FRMD6: variants seen among roughly 807,000 people sequenced by gnomAD.
FRMD6 encodes the protein FERM domain containing 6.
In FRMD6, 37 loss-of-function variants were observed where a neutral mutation model predicts 73.2. That is an observed-to-expected ratio of 0.51 (90% CI 0.39 to 0.66). The LOEUF (loss-of-function observed/expected upper bound fraction) is 0.66, where lower values mean the gene tolerates loss of function less well. Ranked by LOEUF, FRMD6 falls within the 30% of genes least tolerant of loss-of-function variation. The pLI is 0.00. For missense variants in FRMD6, 714 were observed against 780.5 expected (o/e 0.91, Z 1.02); for synonymous variants, 273 against 282.2 (o/e 0.97, Z 0.33).
At chr14:51,670,561 A>AT (rs1250875969) in intron 1 of FRMD6, among the ~76,000 whole-genome samples, 22 of 152,244 alleles carry the variant, frequency 1.4e-4, no homozygotes, top group African/African-American at 5.1e-4. Flanking sequence ...GTTGCATTGA[A>AT]TATATAGATT....
chr14:51,451,685 A>C, the FRMD6 span, among the ~76,000 whole-genome samples: 1 of 151,886 alleles, frequency 6.6e-6, no homozygotes. Flanking sequence ...TTGGTCTCTC[A>C]CTCTATTTAG....
intron 2 of FRMD6, among the ~76,000 whole-genome samples, chr14:51,588,356 T>C (rs1046304015): frequency 1.1e-4 from 17 of 152,346 alleles, no homozygotes; most frequent in African/African-American, 4.1e-4. Context: ...ACATGTGCCA[T>C]CTTGGTGTGC....
chr14:51,677,818 G>A (rs1473730126), intron 1 of FRMD6, among the ~76,000 whole-genome samples: 1 of 152,086 alleles, frequency 6.6e-6, no homozygotes, highest in Non-Finnish European at 1.5e-5. Context: ...CCTGTTCAGT[G>A]CTGAAGGACT....
At chr14:51,418,191 C>T in the FRMD6 span, among the ~76,000 whole-genome samples, 3 of 152,168 alleles carry the variant, frequency 2.0e-5, no homozygotes, top group African/African-American at 7.2e-5. Flanking sequence ...AGCTTTGTTC[C>T]ATTGCTGGTG....
At chr14:51,629,897 A>G (rs1452080054) in intron 2 of FRMD6, among the ~76,000 whole-genome samples, 1 of 152,186 alleles carries the variant, frequency 6.6e-6, no homozygotes, top group Non-Finnish European at 1.5e-5. Context: ...CAAGGAGTCA[A>G]TTCTGATTAT....
chr14:51,690,000 A>G (rs1031887447), intron 2 of FRMD6, 65 bp downstream of exon 2: 1 of 1,031,200 alleles, frequency 9.7e-7, no homozygotes, highest in African/African-American at 1.6e-5. Flanking sequence ...CATTCAACTT[A>G]TGACTTGATT....
At chr14:51,482,903 T>C in the FRMD6 span, among the ~76,000 whole-genome samples, 1 of 151,932 alleles carries the variant, frequency 6.6e-6, no homozygotes, top group Non-Finnish European at 1.5e-5. Flanking sequence ...GGGGTTTCAC[T>C]ATGTCGGCCA....
chr14:51,517,908 C>T (rs1249617837), intron 1 of FRMD6, among the ~76,000 whole-genome samples: 7 of 152,164 alleles, frequency 4.6e-5, no homozygotes, highest in Admixed American at 4.6e-4. Flanking sequence ...AAGTGACTGT[C>T]TACAGCTGAC....
intron 1 of FRMD6, among the ~76,000 whole-genome samples, chr14:51,555,204 C>T (rs761690575): frequency 2.0e-5 from 3 of 152,188 alleles, no homozygotes; most frequent in South Asian, 4.1e-4. Context: ...TAGATGCATA[C>T]ATGACTATCA....
the FRMD6 span, among the ~76,000 whole-genome samples, chr14:51,414,947 CTGTT>C: frequency 2.6e-5 from 4 of 152,220 alleles, no homozygotes; most frequent in Middle Eastern, 3.4e-3. Context: ...ATTTGGCTCT[CTGTT>C]TGTCTGTTAT....
intron 1 of FRMD6, among the ~76,000 whole-genome samples, chr14:51,506,364 G>A (rs1883963988): frequency 6.6e-6 from 1 of 152,204 alleles, no homozygotes; most frequent in African/African-American, 2.4e-5. Context: ...TCTGCACACA[G>A]GAAGTGCTCA....
At chr14:51,497,664 A>G (rs181047140) in intron 1 of FRMD6, among the ~76,000 whole-genome samples, 1 of 152,364 alleles carries the variant, frequency 6.6e-6, no homozygotes, top group East Asian at 1.9e-4. Flanking sequence ...TTCAACATGT[A>G]ATCTGTATAA....
the FRMD6 span, among the ~76,000 whole-genome samples, chr14:51,462,333 G>A: frequency 6.6e-6 from 1 of 152,222 alleles, no homozygotes; most frequent in African/African-American, 2.4e-5. Flanking sequence ...GAATACAAAT[G>A]AGTGGATGTA....
At chr14:51,421,602 T>C in the FRMD6 span, among the ~76,000 whole-genome samples, 1 of 150,688 alleles carries the variant, frequency 6.6e-6, no homozygotes, top group Non-Finnish European at 1.5e-5. Context: ...AAAAGAACCG[T>C]AAGAGCCTGA....
At chr14:51,596,693 C>T (rs1889734742) in intron 2 of FRMD6, among the ~76,000 whole-genome samples, 1 of 152,158 alleles carries the variant, frequency 6.6e-6, no homozygotes, top group Non-Finnish European at 1.5e-5. Context: ...CTGTGAATAC[C>T]ACTTGCAATG....
chr14:51,618,393 G>A (rs1425000036), intron 2 of FRMD6, among the ~76,000 whole-genome samples: 1 of 152,154 alleles, frequency 6.6e-6, no homozygotes, highest in African/African-American at 2.4e-5. Flanking sequence ...GGAGACAAGA[G>A]CACAGCTTGC....
chr14:51,682,930 C>T (rs4403977), intron 1 of FRMD6, among the ~76,000 whole-genome samples: 59,757 of 151,860 alleles, frequency 0.39, 11,936 homozygotes, highest in African/African-American at 0.46. Context: ...GTGGGGACAA[C>T]ACACTGTGAT....
chr14:51,445,931 T>A, the FRMD6 span, among the ~76,000 whole-genome samples: 230 of 152,380 alleles, frequency 1.5e-3, 1 homozygote, highest in Non-Finnish European at 2.0e-3. Context: ...TTGCATGTAT[T>A]GTAGGTATTT....
intron 1 of FRMD6, among the ~76,000 whole-genome samples, chr14:51,497,121 T>C (rs1883343050): frequency 6.6e-6 from 1 of 152,182 alleles, no homozygotes; most frequent in Non-Finnish European, 1.5e-5. Flanking sequence ...GACATATGTA[T>C]CTGGGCACAT....
Sources: allele counts gnomAD v4.1 joint callset (sites outside exome capture counted in the v4.1 genomes callset), GRCh38; gene constraint gnomAD v4.1.1; transcripts MANE v1.5; gene names NCBI Gene and HGNC (gene_info 2026-07-23, HGNC 2026-07-21).